MFSD6: variants seen among roughly 807,000 people sequenced by gnomAD.
MFSD6 encodes major facilitator superfamily domain-containing protein 6.
A neutral mutation model predicts 56.3 loss-of-function variants in MFSD6; 26 were observed. That is an observed-to-expected ratio of 0.46 (90% confidence interval 0.34 to 0.64). MFSD6 has a LOEUF of 0.64. Ranked by LOEUF, MFSD6 falls within the 30% of genes least tolerant of loss-of-function variation. The pLI is 0.01. For missense variants in MFSD6, 750 were observed against 986.2 expected (o/e 0.76, Z 3.21); for synonymous variants, 331 against 366.9 (o/e 0.90, Z 1.12).
chr2:190,443,910 G>A lies in MFSD6; in HGVS notation c.1532+6349G>A, dbSNP rs1425250863. ...TCTCTACAAAAAATAACATTAGCTG[G>A]GCATGGTGTCACACGCCTGTAGTCC... On this transcript the variant is annotated intron_variant, in intron 3 of 7. Coordinates refer to ENST00000392328, the MANE Select transcript of MFSD6 (RefSeq NM_017694.4). The surrounding 1 kb of genome is among the most constrained non-coding windows in gnomAD (Gnocchi z 4.2). Among the ~76,000 whole-genome samples the A allele has an allele frequency of 6.6e-6, 1 of 152,058 alleles. No individual in the cohort carries two copies. The highest frequency in any genetic ancestry group is 1.5e-5 in the Non-Finnish European group (1 of 68,020).
intron 3 of MFSD6, among the ~76,000 whole-genome samples, chr2:190,449,077 C>A (rs1686681953): frequency 6.6e-6 from 1 of 152,130 alleles, no homozygotes; most frequent in South Asian, 2.1e-4. Flanking sequence ...ATATTTTGCC[C>A]TAAATGGCAT....
In MFSD6 at chr2:190,437,778, C is replaced by T. The variant is rs1686228406; in HGVS notation, c.1532+217C>T. 6.6e-6 allele frequency among the ~76,000 whole-genome samples: 1 copy of T among 152,136 alleles called. No individual in the cohort carries two copies. The highest frequency in any genetic ancestry group is 2.1e-4 in the South Asian group (1 of 4,826). ...ATTATCTCAAATAAACAAAGAATGG[C>T]TTCCTCTGCTCTCCCACCCCACAGA... On this transcript the variant is annotated intron_variant, in intron 3 of 7. Coordinates refer to ENST00000392328, the MANE Select transcript of MFSD6 (RefSeq NM_017694.4). The surrounding 1 kb of genome is among the most constrained non-coding windows in gnomAD (Gnocchi z 5.9).
At chr2:190,432,102 G>A (rs1233247894) in intron 2 of MFSD6, among the ~76,000 whole-genome samples, 1 of 152,146 alleles carries the variant, frequency 6.6e-6, no homozygotes, top group East Asian at 1.9e-4. Context: ...ATATTTAGTG[G>A]AAGGTCTTGA....
At position 190,475,151 on chromosome 2, in the gene MFSD6, A is replaced by G. The variant is rs1205506475; in HGVS notation, c.1630+5296A>G. On this transcript the variant is annotated intron_variant, in intron 4 of 7. Transcript: ENST00000392328. ...CTGGAAGCATTCCCTTTGAAAACTG[A>G]CACAAGACAGGGATGCCCTCTCTCA... Among the ~76,000 whole-genome samples, 372 of 152,162 alleles carry G rather than the reference A, an allele frequency of 2.4e-3. 1 individual carries two copies. Among genetic ancestry groups the G allele is most frequent in the African/African-American group, 8.1e-3 (335 of 41,514 alleles).
In MFSD6 at chr2:190,496,093, G is replaced by A. The variant is rs1574265542; in HGVS notation, c.1892-1346G>A. Among the ~76,000 whole-genome samples, 1 of 151,524 alleles carries A rather than the reference G, an allele frequency of 6.6e-6. No individual in the cohort carries two copies. Among genetic ancestry groups the A allele is most frequent in the South Asian group, 2.1e-4 (1 of 4,802 alleles). ...GAGAAAATCTTCAGTCTATATATCC[G>A]ACAAAGGACTAATATCCAGAATCTA... On this transcript the variant is annotated intron_variant, in intron 6 of 7. Coordinates refer to ENST00000392328, the MANE Select transcript of MFSD6 (RefSeq NM_017694.4). The surrounding 1 kb of genome is among the most constrained non-coding windows in gnomAD (Gnocchi z 4.7).
rs1050059716 is a variant in MFSD6 at position 190,454,739 on chromosome 2, C to G, written c.1533-15019C>G. Among the ~76,000 whole-genome samples the G allele has an allele frequency of 1.3e-5, 2 of 151,970 alleles. No homozygotes were observed. Among genetic ancestry groups the G allele is most frequent in the African/African-American group, 4.8e-5 (2 of 41,352 alleles). ...TGGCATATTGTCATGGCAGCCCGAGCAAATTAATAATGTGTCTAAATAGAG... is the reference window on the plus strand; with the variant it reads ...TGGCATATTGTCATGGCAGCCCGAGGAAATTAATAATGTGTCTAAATAGAG... On this transcript the variant is annotated intron_variant, in intron 3 of 7. Coordinates refer to ENST00000392328, the MANE Select transcript of MFSD6 (RefSeq NM_017694.4). The surrounding 1 kb of genome is among the most constrained non-coding windows in gnomAD (Gnocchi z 4.6).
Position 190,410,020 on chromosome 2 carries a change from T to G in MFSD6, c.-176+1517T>G, listed in dbSNP as rs1690490582. ...CTACTAAGTAGTTGTGTGTCCTTCA[T>G]GTTTACAGCAGTTTATTTCTAAGGC... On this transcript the variant is annotated intron_variant, in intron 1 of 7. Coordinates refer to ENST00000392328, the MANE Select transcript of MFSD6 (RefSeq NM_017694.4). This position sits in a 1 kb window ranked among gnomAD's most constrained non-coding sequence, Gnocchi z 4.4. 6.6e-6 allele frequency among the ~76,000 whole-genome samples: 1 copy of G among 152,208 alleles called. No homozygotes were observed. Among genetic ancestry groups the G allele is most frequent in the Non-Finnish European group, 1.5e-5 (1 of 68,030 alleles).
intron 3 of MFSD6, among the ~76,000 whole-genome samples, chr2:190,444,652 A>T (rs891721489): frequency 1.3e-5 from 2 of 152,194 alleles, no homozygotes; most frequent in Non-Finnish European, 2.9e-5. Context: ...ATGGCAAAGC[A>T]CTAAAGAAAA....
rs1291490708 is a variant in MFSD6 at position 190,502,171 on chromosome 2, C to T, written c.*1953C>T. The T allele has an allele frequency of 2.6e-5, 4 of 152,230 alleles. No homozygotes were observed. The highest frequency in any genetic ancestry group is 2.1e-4 in the South Asian group (1 of 4,830). The allele number at this position is 152,230 out of a possible 1,614,324, so 9.4% of individuals were successfully genotyped here. On this transcript the variant is annotated 3_prime_UTR_variant, in exon 8 of 8. Transcript: ENST00000392328. This position sits in a 1 kb window ranked among gnomAD's most constrained non-coding sequence, Gnocchi z 4.4. Reference sequence around the variant, plus strand: ...ACATGCCTTTGTTATGGAACATTTACTGTGACAGCAGAATCGATAATGCAG... The same window carrying T: ...ACATGCCTTTGTTATGGAACATTTATTGTGACAGCAGAATCGATAATGCAG...
At position 190,487,209 on chromosome 2, in the gene MFSD6, C is replaced by A. The variant is rs11885992; in HGVS notation, c.1631-1448C>A. Among the ~76,000 whole-genome samples, 1 of 151,670 alleles carries A rather than the reference C, an allele frequency of 6.6e-6. No homozygotes were observed. The highest frequency in any genetic ancestry group is 1.5e-5 in the Non-Finnish European group (1 of 67,954). On this transcript the variant is annotated intron_variant, in intron 4 of 7. Coordinates refer to ENST00000392328, the MANE Select transcript of MFSD6 (RefSeq NM_017694.4). This position sits in a 1 kb window ranked among gnomAD's most constrained non-coding sequence, Gnocchi z 5.5. ...TACAAAAATTAGCTGGGGGTGGTGG[C>A]GGGCACTTGTAGTCCCAGCTACTTG...
chr2:190,448,241 A>G (rs546098751), intron 3 of MFSD6, among the ~76,000 whole-genome samples: 3 of 152,334 alleles, frequency 2.0e-5, no homozygotes, highest in South Asian at 4.1e-4. Flanking sequence ...GTGGAGACCA[A>G]TTTAGCACTC....
chr2:190,414,999 A>G (rs951785784), intron 1 of MFSD6, among the ~76,000 whole-genome samples: 1 of 152,194 alleles, frequency 6.6e-6, no homozygotes, highest in Non-Finnish European at 1.5e-5. Context: ...TGATATGGAT[A>G]TAAGATTTTA....
chr2:190,432,746 A>G (rs1279610726), intron 2 of MFSD6, among the ~76,000 whole-genome samples: 2 of 152,120 alleles, frequency 1.3e-5, no homozygotes, highest in Non-Finnish European at 2.9e-5. Flanking sequence ...TTCCAGAGGA[A>G]AATAACCTGC....
At position 190,488,523 on chromosome 2, in the gene MFSD6, T is replaced by C. The variant is rs970163262; in HGVS notation, c.1631-134T>C. ...AACCGTACATTTAAAAATGTGAAAATGGTAAATTTTTAATGTATGTTTTCC... is the reference window on the plus strand; with the variant it reads ...AACCGTACATTTAAAAATGTGAAAACGGTAAATTTTTAATGTATGTTTTCC... On this transcript the variant is annotated intron_variant, in intron 4 of 7. Coordinates refer to ENST00000392328, the MANE Select transcript of MFSD6 (RefSeq NM_017694.4). The surrounding 1 kb of genome is among the most constrained non-coding windows in gnomAD (Gnocchi z 6.4). The C allele has an allele frequency of 3.6e-6, 3 of 830,936 alleles. No individual in the cohort carries two copies. The highest frequency in any genetic ancestry group is 1.8e-5 in the African/African-American group (1 of 56,748). The allele number at this position is 830,936 out of a possible 1,614,324, so 51.5% of individuals were successfully genotyped here.
chr2:190,431,804 A>G lies in MFSD6; in HGVS notation c.-53-4173A>G, dbSNP rs1195628606. Among the ~76,000 whole-genome samples the G allele has an allele frequency of 6.6e-6, 1 of 152,152 alleles. No homozygotes were observed. The highest frequency in any genetic ancestry group is 1.5e-5 in the Non-Finnish European group (1 of 68,030). ...AGAAATTGCCTTAAATTTTTCTTTC[A>G]TATCATCTCAATTTTTCATTTATGC... On this transcript the variant is annotated intron_variant, in intron 2 of 7. Transcript: ENST00000392328. The surrounding 1 kb of genome is among the most constrained non-coding windows in gnomAD (Gnocchi z 4.4).
At position 190,458,062 on chromosome 2, in the gene MFSD6, T is replaced by C. The variant is rs1282880444; in HGVS notation, c.1533-11696T>C. On this transcript the variant is annotated intron_variant, in intron 3 of 7. Coordinates refer to ENST00000392328, the MANE Select transcript of MFSD6 (RefSeq NM_017694.4). The surrounding 1 kb of genome is among the most constrained non-coding windows in gnomAD (Gnocchi z 5.3). ...TGAGGCCCGAGGAAGCTGCCAGCGGTGTCACACACTCTGTTGCTGGTCTAG... is the reference window on the plus strand; with the variant it reads ...TGAGGCCCGAGGAAGCTGCCAGCGGCGTCACACACTCTGTTGCTGGTCTAG... 6.6e-6 allele frequency among the ~76,000 whole-genome samples: 1 copy of C among 152,160 alleles called. No homozygotes were observed. Among genetic ancestry groups the C allele is most frequent in the Non-Finnish European group, 1.5e-5 (1 of 68,030 alleles).
In MFSD6 at chr2:190,415,686, A is replaced by T. The variant is rs556735020; in HGVS notation, c.-54+273A>T. 6.6e-6 allele frequency among the ~76,000 whole-genome samples: 1 copy of T among 152,342 alleles called. No homozygotes were observed. The highest frequency in any genetic ancestry group is 6.5e-5 in the Admixed American group (1 of 15,300). On this transcript the variant is annotated intron_variant, in intron 2 of 7. Coordinates refer to ENST00000392328, the MANE Select transcript of MFSD6 (RefSeq NM_017694.4). This position sits in a 1 kb window ranked among gnomAD's most constrained non-coding sequence, Gnocchi z 4.5. ...AGAACCCTAACAGCAAAATAAAACA[A>T]TTTTAGATTACATATATGGGAAGGT...
In MFSD6 at chr2:190,438,075, CATG is replaced by C. The variant is rs934077926; in HGVS notation, c.1532+517_1532+519del. ...TGTAACCCACCGTAATCCCTAATTCCATGATATTACATGGATGAGGTTCTTAAG... is the reference window on the plus strand; with the variant it reads ...TGTAACCCACCGTAATCCCTAATTCCATATTACATGGATGAGGTTCTTAAG... On this transcript the variant is annotated intron_variant, in intron 3 of 7. Coordinates refer to ENST00000392328, the MANE Select transcript of MFSD6 (RefSeq NM_017694.4). The surrounding 1 kb of genome is among the most constrained non-coding windows in gnomAD (Gnocchi z 5.2). 2.0e-5 allele frequency among the ~76,000 whole-genome samples: 3 copies of C among 152,102 alleles called. No homozygotes were observed. Among genetic ancestry groups the C allele is most frequent in the Non-Finnish European group, 2.9e-5 (2 of 68,018 alleles).
intron 2 of MFSD6, among the ~76,000 whole-genome samples, chr2:190,430,780 G>C (rs572605197): frequency 2.0e-5 from 3 of 151,362 alleles, no homozygotes; most frequent in African/African-American, 7.3e-5. Context: ...CAGAAGGGGC[G>C]GCCGGGCGGG....
Sources: gnomAD v4.1 joint callset for allele counts (sites outside exome capture counted in the v4.1 genomes callset) on GRCh38, gnomAD v4.1.1 for gene constraint, Gnocchi (gnomAD v3.1) non-coding constraint, MANE v1.5 for transcripts, NCBI Gene and HGNC (gene_info 2026-07-23, HGNC 2026-07-21) for gene names.